HDAC1: variants seen among roughly 807,000 people sequenced by gnomAD.
The protein encoded by HDAC1 is protein deacetylase HDAC1.
A neutral mutation model predicts 65.5 loss-of-function variants in HDAC1; 18 were observed. That is an observed-to-expected ratio of 0.27 (90% CI 0.19 to 0.41). HDAC1 has a LOEUF of 0.41. Among genes scored for constraint, HDAC1 ranks in the 10% least tolerant of loss-of-function variants. HDAC1 has a pLI of 1.00. For synonymous variants in HDAC1, 211 were observed against 227.9 expected (o/e 0.93, Z 0.67); for missense variants, 373 against 625.2 (o/e 0.60, Z 4.30).
At chr1:32,296,794 T>C (rs72890114) in intron 1 of HDAC1, among the ~76,000 whole-genome samples, 9,810 of 152,176 alleles carry the variant, frequency 0.064, 1,043 homozygotes, top group African/African-American at 0.22. Context: ...TTATGGAAAA[T>C]AGCCAGAAGA....
In HDAC1 at chr1:32,327,266, G is replaced by A; in HGVS notation, c.494+189G>A. 1 of 630,442 alleles carries A rather than the reference G, an allele frequency of 1.6e-6. No individual in the cohort carries two copies. Among genetic ancestry groups the A allele is most frequent in the Non-Finnish European group, 2.8e-6 (1 of 360,500 alleles). 39.1% of individuals were successfully genotyped at this position (630,442 alleles called of 1,614,324 possible). On this transcript the variant is annotated intron_variant, in intron 5 of 13. Coordinates refer to ENST00000373548, the MANE Select transcript of HDAC1 (RefSeq NM_004964.3). The surrounding 1 kb of genome is among the most constrained non-coding windows in gnomAD (Gnocchi z 6.0). Reference sequence around the variant, plus strand: ...TTGATCTGAGCCACGGCATGATCAGGGGCAGATGCTGCTCAGATCCTGCCT... The same window carrying A: ...TTGATCTGAGCCACGGCATGATCAGAGGCAGATGCTGCTCAGATCCTGCCT...
At chr1:32,292,874 G>C (rs910317687) in intron 1 of HDAC1, among the ~76,000 whole-genome samples, 1 of 152,120 alleles carries the variant, frequency 6.6e-6, no homozygotes, top group African/African-American at 2.4e-5. Flanking sequence ...TGTTAGGGGA[G>C]CACAGAGAAG....
At chr1:32,314,625 G>A (rs1256116157) in intron 2 of HDAC1, among the ~76,000 whole-genome samples, 2 of 152,032 alleles carry the variant, frequency 1.3e-5, no homozygotes, top group Non-Finnish European at 2.9e-5. Context: ...AGGAGATCGA[G>A]ACCATCCTGG....
intron 2 of HDAC1, among the ~76,000 whole-genome samples, chr1:32,314,139 C>T (rs562182599): frequency 4.6e-5 from 7 of 152,212 alleles, no homozygotes; most frequent in Admixed American, 3.3e-4. Context: ...TGATTTAACC[C>T]ACCACCACAA....
chr1:32,293,069 C>T (rs1003725762), intron 1 of HDAC1, among the ~76,000 whole-genome samples: 10 of 152,128 alleles, frequency 6.6e-5, no homozygotes, highest in Non-Finnish European at 1.3e-4. Context: ...GCCTGTAATC[C>T]CAGCACTTTG....
At chr1:32,299,867 T>G (rs1174483266) in intron 1 of HDAC1, among the ~76,000 whole-genome samples, 1 of 152,034 alleles carries the variant, frequency 6.6e-6, no homozygotes, top group East Asian at 1.9e-4. Context: ...CCATCCTGGT[T>G]AACACGGTGA....
chr1:32,292,378 G>A (rs879006221), intron 1 of HDAC1, 160 bp downstream of exon 1: 1 of 985,170 alleles, frequency 1.0e-6, no homozygotes, highest in South Asian at 4.7e-5. Flanking sequence ...GAGGGAGGAG[G>A]CTGCGAGGAA....
chr1:32,314,540 T>C (rs1234180563), intron 2 of HDAC1, among the ~76,000 whole-genome samples: 2 of 151,954 alleles, frequency 1.3e-5, no homozygotes, highest in South Asian at 2.1e-4. Context: ...AATATAGAGA[T>C]ATTTCGCCGG....
Position 32,316,685 on chromosome 1 carries a change from T to A in HDAC1, c.183T>A (p.Ala61=), listed in dbSNP as rs1307224003. 1 of 1,613,418 alleles carries A rather than the reference T, an allele frequency of 6.2e-7. No homozygotes were observed. The highest frequency in any genetic ancestry group is 1.3e-5 in the African/African-American group (1 of 74,916). Residue 61 remains alanine (A), a synonymous_variant, in exon 3 of 14, where the codon GCT becomes GCA. Transcript: ENST00000373548. ...MEIYRPHKAN[A]EEMTKYHSDD... ...TCTAGCGCCCTCACAAAGCCAATGC[T>A]GAGGAGATGACCAAGTACCACAGCG...
chr1:32,329,247 A>G lies in HDAC1; in HGVS notation c.729+87A>G. 2 of 820,414 alleles carry G rather than the reference A, an allele frequency of 2.4e-6. No individual in the cohort carries two copies. Among genetic ancestry groups the G allele is most frequent in the Non-Finnish European group, 4.4e-6 (2 of 458,964 alleles). 50.8% of individuals were successfully genotyped at this position (820,414 alleles called of 1,614,324 possible). ...CAAAGCACCCCCACCATACCTCAGG[A>G]ATCTCTCCTTACTAAAGCTGGTGGG... On this transcript the variant is annotated intron_variant, in intron 7 of 13. Coordinates refer to ENST00000373548, the MANE Select transcript of HDAC1 (RefSeq NM_004964.3). The surrounding 1 kb of genome is among the most constrained non-coding windows in gnomAD (Gnocchi z 4.1).
intron 4 of HDAC1, among the ~76,000 whole-genome samples, chr1:32,325,201 T>C (rs1020682361): frequency 2.6e-5 from 4 of 152,340 alleles, no homozygotes; most frequent in African/African-American, 9.6e-5. Context: ...ATCTGTCCTA[T>C]GAAAAAGTAT....
At chr1:32,300,439 C>G (rs1375619832) in intron 1 of HDAC1, among the ~76,000 whole-genome samples, 1 of 151,902 alleles carries the variant, frequency 6.6e-6, no homozygotes, top group East Asian at 1.9e-4. Flanking sequence ...CCTGTAATCC[C>G]AGCAATTTAG....
chr1:32,302,517 G>A (rs1304002361), intron 1 of HDAC1, 104 bp from the exon 2 acceptor site: 2 of 490,490 alleles, frequency 4.1e-6, no homozygotes, highest in East Asian at 8.5e-5. Flanking sequence ...AACTAGAAAT[G>A]AGCCAGAAAG....
chr1:32,325,273 T>C (rs1641202251), intron 4 of HDAC1, among the ~76,000 whole-genome samples: 1 of 152,238 alleles, frequency 6.6e-6, no homozygotes, highest in Non-Finnish European at 1.5e-5. Context: ...TTTGCAACTT[T>C]TGGGTTATCT....
chr1:32,308,211 A>G (rs532342334), intron 2 of HDAC1, among the ~76,000 whole-genome samples: 2 of 151,478 alleles, frequency 1.3e-5, no homozygotes, highest in African/African-American at 2.4e-5. Context: ...CCCAGCTACT[A>G]GGGAGGCTGA....
chr1:32,332,301 G>C (rs752253191), intron 12 of HDAC1, 59 bp downstream of exon 12: 433 of 1,501,406 alleles, frequency 2.9e-4, no homozygotes, highest in Non-Finnish European at 3.8e-4. Context: ...ATCTATGTAG[G>C]GCAGTGGGAG....
chr1:32,295,106 G>C (rs1379455810), intron 1 of HDAC1, among the ~76,000 whole-genome samples: 4 of 152,116 alleles, frequency 2.6e-5, no homozygotes, highest in Non-Finnish European at 5.9e-5. Context: ...TGCTATAACA[G>C]AACACTGTTT....
chr1:32,321,914 T>C (rs866400635), intron 3 of HDAC1, among the ~76,000 whole-genome samples: 4 of 152,044 alleles, frequency 2.6e-5, no homozygotes, highest in African/African-American at 9.7e-5. Flanking sequence ...AAGTTCTTAT[T>C]TACACAGCCT....
chr1:32,323,031 G>C (rs1473969928), intron 3 of HDAC1, among the ~76,000 whole-genome samples: 1 of 152,120 alleles, frequency 6.6e-6, no homozygotes, highest in Non-Finnish European at 1.5e-5. Context: ...GGCTGGGCAC[G>C]GTGGCTTATG....
Sources: allele counts gnomAD v4.1 joint callset (sites outside exome capture counted in the v4.1 genomes callset), GRCh38; gene constraint gnomAD v4.1.1; non-coding constraint Gnocchi (gnomAD v3.1); transcripts MANE v1.5; gene names NCBI Gene and HGNC (gene_info 2026-07-23, HGNC 2026-07-21).